The following B4GALT6 variants were observed in gnomAD, a reference collection of about 807,000 sequenced individuals.
B4GALT6 encodes the protein beta-1,4-galactosyltransferase 6.
B4GALT6 carries 14 observed loss-of-function variants against 46.3 expected under a neutral mutation model. The observed-to-expected ratio is 0.30, with a 90% CI of 0.20 to 0.47. The LOEUF (loss-of-function observed/expected upper bound fraction) is 0.47, where lower values mean the gene tolerates loss of function less well. Among genes scored for constraint, B4GALT6 ranks in the 20% least tolerant of loss-of-function variants. The probability of loss-of-function intolerance (pLI) is 0.99; values close to 1 mark genes in which losing one functional copy is unlikely to be tolerated. For synonymous variants in B4GALT6, 168 were observed against 162.0 expected (o/e 1.04, Z -0.28); for missense variants, 386 against 480.1 (o/e 0.80, Z 1.83).
intron 2 of B4GALT6, among the ~76,000 whole-genome samples, chr18:31,664,852 A>G (rs1321373561): frequency 6.6e-6 from 1 of 152,258 alleles, no homozygotes; most frequent in Non-Finnish European, 1.5e-5. Flanking sequence ...AGAATAGTTA[A>G]TGAGACTTTT....
chr18:31,679,394 T>C (rs1044397090), intron 1 of B4GALT6, among the ~76,000 whole-genome samples: 3 of 152,200 alleles, frequency 2.0e-5, no homozygotes, highest in Non-Finnish European at 1.5e-5. Context: ...AATCTGACTG[T>C]GGAAACAATC....
chr18:31,675,087 T>TA (rs1461770668), intron 1 of B4GALT6, among the ~76,000 whole-genome samples: 2 of 152,232 alleles, frequency 1.3e-5, no homozygotes, highest in East Asian at 3.8e-4. Flanking sequence ...TTTCAGATCT[T>TA]AGCTAACAAC....
chr18:31,645,292 A>G, intron 4 of B4GALT6, 63 bp downstream of exon 4: 1 of 1,594,864 alleles, frequency 6.3e-7, no homozygotes, highest in Admixed American at 1.8e-5. Context: ...TTCTGAATCA[A>G]GCACATTCTT....
At chr18:31,632,168 T>C (rs1226572154) in intron 5 of B4GALT6, among the ~76,000 whole-genome samples, 1 of 152,156 alleles carries the variant, frequency 6.6e-6, no homozygotes, top group African/African-American at 2.4e-5. Flanking sequence ...GAGACACACA[T>C]TGTAGTCATC....
upstream of B4GALT6, chr18:31,684,609 T>C: frequency 5.5e-6 from 6 of 1,082,494 alleles, no homozygotes; most frequent in South Asian, 1.2e-4. Context: ...ACGGAATGAA[T>C]GGGAGGCCAG....
the B4GALT6 span, among the ~76,000 whole-genome samples, chr18:31,717,969 A>AAAAC: frequency 1.3e-5 from 2 of 151,788 alleles, no homozygotes; most frequent in African/African-American, 4.8e-5. Context: ...AAAAAAAAAA[A>AAAAC]AGATATTATA....
the B4GALT6 span, among the ~76,000 whole-genome samples, chr18:31,722,830 A>C: frequency 6.6e-6 from 1 of 152,216 alleles, no homozygotes; most frequent in Non-Finnish European, 1.5e-5. Context: ...AGAGAATTTG[A>C]GGTCTTCAAT....
upstream of B4GALT6, among the ~76,000 whole-genome samples, chr18:31,684,934 G>A (rs1416411511): frequency 1.3e-5 from 2 of 148,940 alleles, no homozygotes; most frequent in African/African-American, 4.9e-5. Context: ...GGCAGGCCCT[G>A]CGCCGCCTCC....
chr18:31,705,905 T>A, the B4GALT6 span, among the ~76,000 whole-genome samples: 1 of 152,250 alleles, frequency 6.6e-6, no homozygotes, highest in Non-Finnish European at 1.5e-5. Flanking sequence ...ACACACCCAG[T>A]TCCTCAAAAT....
At position 31,645,503 on chromosome 18, in the gene B4GALT6, T is replaced by A. The variant is rs201760528; in HGVS notation, c.347-24A>T. ...TCCTACAAATTAAAAATGTAAAGAATTGTTTTAATATTTTTTGCCTCAAAG... is the reference window on the plus strand; with the variant it reads ...TCCTACAAATTAAAAATGTAAAGAAATGTTTTAATATTTTTTGCCTCAAAG... On this transcript the variant is annotated intron_variant, in intron 3 of 8. Transcript: ENST00000306851. The A allele has an allele frequency of 1.9e-6, 3 of 1,599,698 alleles. No homozygotes were observed. The Admixed American group carries it at 5.3e-5, about 28-fold the overall frequency.
the B4GALT6 span, among the ~76,000 whole-genome samples, chr18:31,716,661 G>A: frequency 4.6e-5 from 7 of 152,330 alleles, no homozygotes; most frequent in East Asian, 9.6e-4. Context: ...CCTGGGGGTG[G>A]TGGCAGAAGT....
At chr18:31,711,695 A>T in the B4GALT6 span, among the ~76,000 whole-genome samples, 1 of 152,138 alleles carries the variant, frequency 6.6e-6, no homozygotes, top group Non-Finnish European at 1.5e-5. Flanking sequence ...TGACTTTCCT[A>T]CTGATATAAG....
intron 2 of B4GALT6, among the ~76,000 whole-genome samples, chr18:31,658,723 C>T (rs1791183): frequency 0.23 from 34,857 of 152,104 alleles, 5,813 homozygotes; most frequent in African/African-American, 0.47. Context: ...AGTTCAAATC[C>T]TTGCTCCAAC....
chr18:31,679,533 T>C (rs2074455462), intron 1 of B4GALT6, among the ~76,000 whole-genome samples: 1 of 152,174 alleles, frequency 6.6e-6, no homozygotes. Context: ...TCCTCTGTAT[T>C]CCAATTTAAC....
the B4GALT6 span, among the ~76,000 whole-genome samples, chr18:31,694,408 C>G: frequency 6.6e-6 from 1 of 152,144 alleles, no homozygotes; most frequent in African/African-American, 2.4e-5. Context: ...TTTCCTTACC[C>G]AGAACACAAA....
rs530149536 is a variant in B4GALT6 at position 31,672,642 on chromosome 18, T to C, written c.116-6270A>G. ...GCTTAAAAAAATTCAGCATACTCTCTTTGTCAAGCATACTTTACATATACT... is the reference window on the plus strand; with the variant it reads ...GCTTAAAAAAATTCAGCATACTCTCCTTGTCAAGCATACTTTACATATACT... On this transcript the variant is annotated intron_variant, in intron 1 of 8. Coordinates refer to ENST00000306851, the MANE Select transcript of B4GALT6 (RefSeq NM_004775.5). Among the ~76,000 whole-genome samples, 13 of 152,354 alleles carry C rather than the reference T, an allele frequency of 8.5e-5. 1 individual carries two copies. In the South Asian group the frequency reaches 2.7e-3, roughly 32 times the overall value.
intron 1 of B4GALT6, among the ~76,000 whole-genome samples, chr18:31,673,835 A>G (rs2074385612): frequency 6.6e-6 from 1 of 152,162 alleles, no homozygotes; most frequent in African/African-American, 2.4e-5. Context: ...TTCTGAGATG[A>G]GGAGATCATC....
chr18:31,695,267 TC>T, the B4GALT6 span, among the ~76,000 whole-genome samples: 32 of 149,938 alleles, frequency 2.1e-4, no homozygotes, highest in African/African-American at 7.8e-4. Context: ...TAAAAATAGT[TC>T]TGCCACTTCT....
At chr18:31,652,321 C>A (rs1001143163) in intron 3 of B4GALT6, among the ~76,000 whole-genome samples, 3 of 152,150 alleles carry the variant, frequency 2.0e-5, no homozygotes, top group East Asian at 3.9e-4. Context: ...TTTTCTGCAC[C>A]AAATTCAGTG....
Sources: gnomAD v4.1 joint callset for allele counts (sites outside exome capture counted in the v4.1 genomes callset) on GRCh38, gnomAD v4.1.1 for gene constraint, MANE v1.5 for transcripts, NCBI Gene and HGNC (gene_info 2026-07-23, HGNC 2026-07-21) for gene names.